Variants in PCDHGB2 observed in about 807,000 individuals in gnomAD.
PCDHGB2 encodes protocadherin gamma subfamily B, 2, also known as protocadherin gamma-B2.
Under a neutral mutation model 59.3 loss-of-function variants are expected in PCDHGB2, and 55 were observed. That is an observed-to-expected ratio of 0.93 (90% confidence interval 0.75 to 1.16). The LOEUF is 1.16. PCDHGB2 is among the 50% of genes most tolerant of loss of function. PCDHGB2 has a pLI of 0.00. For missense variants in PCDHGB2, 1,228 were observed against 1,198.5 expected, an observed-to-expected ratio of 1.02 and a Z score of -0.36; for synonymous variants, 516 against 512.0, an observed-to-expected ratio of 1.01 and a Z score of -0.11.
At chr5:141,379,960 T>C (rs1490584684) in intron 1 of PCDHGB2, among the ~76,000 whole-genome samples, 1 of 140,094 alleles carries the variant, frequency 7.1e-6, no homozygotes, top group East Asian at 2.3e-4. Flanking sequence ...AATGCAGTGG[T>C]GTGATCTCTG....
intron 1 of PCDHGB2, chr5:141,374,427 A>C: frequency 6.2e-7 from 1 of 1,613,980 alleles, no homozygotes; most frequent in Non-Finnish European, 8.5e-7. Flanking sequence ...GATAAACTGA[A>C]TCTTTATCCC....
intron 1 of PCDHGB2, chr5:141,389,735 G>A: frequency 6.2e-7 from 1 of 1,612,708 alleles, no homozygotes; most frequent in Non-Finnish European, 8.5e-7. Flanking sequence ...TCTTCAGCCT[G>A]GGGCTGCGCA....
chr5:141,420,744 C>T (rs1202150921), intron 1 of PCDHGB2, among the ~76,000 whole-genome samples: 8 of 152,194 alleles, frequency 5.3e-5, no homozygotes, highest in Admixed American at 5.2e-4. Context: ...TCAATTGGAA[C>T]CAACTACAAC....
intron 1 of PCDHGB2, chr5:141,364,421 A>T (rs1290592441): frequency 1.2e-6 from 2 of 1,613,602 alleles, no homozygotes; most frequent in Admixed American, 3.3e-5. Flanking sequence ...ATCCGGGCAG[A>T]TCCGCTACTC....
At chr5:141,414,334 AC>A (rs1187631098) in intron 1 of PCDHGB2, 2 of 1,613,782 alleles carry the variant, frequency 1.2e-6, no homozygotes, top group South Asian at 2.2e-5. Context: ...TGGACAGGTA[AC>A]CTGTTCCATT....
At chr5:141,394,547 G>T (rs771070854) in intron 1 of PCDHGB2, 6 of 1,614,098 alleles carry the variant, frequency 3.7e-6, no homozygotes, top group East Asian at 2.2e-5. Context: ...TGGAGCTGGC[G>T]CCCCGCTCCG....
rs888556794 is a variant in PCDHGB2 at position 141,493,414 on chromosome 5, A to T, written c.2422-1393A>T. Among the ~76,000 whole-genome samples, 2 of 152,058 alleles carry T rather than the reference A, an allele frequency of 1.3e-5. No individual in the cohort carries two copies. Among genetic ancestry groups the T allele is most frequent in the Admixed American group, 6.6e-5 (1 of 15,248 alleles). ...GGAGAGGGGAGTTGCCTCTGCTGGG[A>T]TTTTGCTTCTGCTGGGATGGGGCAA... On this transcript the variant is annotated intron_variant, in intron 1 of 3. Coordinates refer to ENST00000522605, the MANE Select transcript of PCDHGB2 (RefSeq NM_018923.3). The surrounding 1 kb of genome is among the most constrained non-coding windows in gnomAD (Gnocchi z 4.3).
chr5:141,450,592 T>G (rs1403924348), intron 1 of PCDHGB2, among the ~76,000 whole-genome samples: 1 of 151,838 alleles, frequency 6.6e-6, no homozygotes, highest in Non-Finnish European at 1.5e-5. Context: ...GTTCAAGCAA[T>G]TCTCCTGCCT....
At chr5:141,374,519 G>A (rs769907625) in intron 1 of PCDHGB2, 5 of 1,612,332 alleles carry the variant, frequency 3.1e-6, no homozygotes, top group Admixed American at 1.7e-5. Context: ...TCTCGAAAAC[G>A]CAGCTCCATC....
chr5:141,381,826 C>CTTCTTTTTTTTTTTTTT (rs1777532522), intron 1 of PCDHGB2, among the ~76,000 whole-genome samples: 2 of 74,284 alleles, frequency 2.7e-5, no homozygotes, highest in African/African-American at 1.2e-4. Flanking sequence ...CTTTCTTCTT[C>CTTCTTTTTTTTTTTTTT]TTTTTTTTTT....
At chr5:141,374,350 G>A in intron 1 of PCDHGB2, 1 of 1,614,038 alleles carries the variant, frequency 6.2e-7, no homozygotes, top group Non-Finnish European at 8.5e-7. Flanking sequence ...CCGCGGGTAG[G>A]ATAGACCGCG....
Position 141,490,710 on chromosome 5 carries a change from C to G in PCDHGB2, c.2422-4097C>G, listed in dbSNP as rs1158575765. On this transcript the variant is annotated intron_variant, in intron 1 of 3. Coordinates refer to ENST00000522605, the MANE Select transcript of PCDHGB2 (RefSeq NM_018923.3). The surrounding 1 kb of genome is among the most constrained non-coding windows in gnomAD (Gnocchi z 5.4). ...ACACTGGGGATAATGCCCGCCTCAC[C>G]TACTCCATTGTAGGAAATCAGGTTC... 6.2e-7 allele frequency: 1 copy of G among 1,614,208 alleles called. No homozygotes were observed. The highest frequency in any genetic ancestry group is 8.5e-7 in the Non-Finnish European group (1 of 1,180,030).
At chr5:141,380,579 G>A (rs892018372) in intron 1 of PCDHGB2, among the ~76,000 whole-genome samples, 1 of 152,134 alleles carries the variant, frequency 6.6e-6, no homozygotes, top group Non-Finnish European at 1.5e-5. Context: ...TATCTTGGCG[G>A]TCTAGTAAAG....
chr5:141,375,973 C>A (rs577451422), intron 1 of PCDHGB2: 742 of 1,613,246 alleles, frequency 4.6e-4, no homozygotes, highest in Middle Eastern at 1.7e-3. Context: ...GCACGGCGCG[C>A]GCCCTGCTGG....
chr5:141,388,525 C>T (rs780990884), intron 1 of PCDHGB2: 2 of 1,613,854 alleles, frequency 1.2e-6, no homozygotes, highest in Non-Finnish European at 8.5e-7. Flanking sequence ...ACTTTGACTG[C>T]CTTGGACTTT....
chr5:141,433,204 C>CT, intron 1 of PCDHGB2: 2 of 1,566,944 alleles, frequency 1.3e-6, no homozygotes, highest in Admixed American at 2.0e-5. Flanking sequence ...ATCAAATCTT[C>CT]TTTCTTTTTT....
At chr5:141,383,978 C>T in intron 1 of PCDHGB2, 1 of 1,613,752 alleles carries the variant, frequency 6.2e-7, no homozygotes, top group Non-Finnish European at 8.5e-7. Context: ...CCTGAAGACA[C>T]ACCTCTTGGG....
Position 141,486,979 on chromosome 5 carries a change from C to T in PCDHGB2, c.2422-7828C>T. On this transcript the variant is annotated intron_variant, in intron 1 of 3. Transcript: ENST00000522605. This position sits in a 1 kb window ranked among gnomAD's most constrained non-coding sequence, Gnocchi z 5.0. ...CTGCTGTGGACTTGGATTCAGGTTACAATGCTTGGGTTTCCTATCAGCTCC... is the reference window on the plus strand; with the variant it reads ...CTGCTGTGGACTTGGATTCAGGTTATAATGCTTGGGTTTCCTATCAGCTCC... 6.2e-7 allele frequency: 1 copy of T among 1,614,200 alleles called. No individual in the cohort carries two copies. Among genetic ancestry groups the T allele is most frequent in the Non-Finnish European group, 8.5e-7 (1 of 1,180,032 alleles).
chr5:141,485,986 G>T lies in PCDHGB2; in HGVS notation c.2422-8821G>T, dbSNP rs2099622467. The T allele has an allele frequency of 1.2e-6, 2 of 1,614,084 alleles. No homozygotes were observed. Among genetic ancestry groups the T allele is most frequent in the African/African-American group, 1.3e-5 (1 of 74,936 alleles). On this transcript the variant is annotated intron_variant, in intron 1 of 3. Transcript: ENST00000522605. This position sits in a 1 kb window ranked among gnomAD's most constrained non-coding sequence, Gnocchi z 5.7. ...AGCTCAATGCCTCAGACCCGGACCT[G>T]GGTCCCAGTGGTAACGTCACCTTTT...
Sources: gnomAD v4.1 joint callset for allele counts (sites outside exome capture counted in the v4.1 genomes callset) on GRCh38, gnomAD v4.1.1 for gene constraint, Gnocchi (gnomAD v3.1) non-coding constraint, MANE v1.5 for transcripts, NCBI Gene and HGNC (gene_info 2026-07-23, HGNC 2026-07-21) for gene names.